The following CYP4Z1 variants were observed in gnomAD, a reference collection of about 807,000 sequenced individuals.
CYP4Z1 encodes the protein cytochrome P450 family 4 subfamily Z member 1.
In CYP4Z1, 41 loss-of-function variants were observed where a neutral mutation model predicts 54.2. The ratio of observed to expected loss-of-function variants is 0.76; its 90% CI spans 0.59 to 0.98. The LOEUF is 0.98. Ranked by LOEUF, CYP4Z1 falls within the 50% of genes least tolerant of loss-of-function variation. The pLI, the probability that CYP4Z1 is intolerant of heterozygous loss-of-function variation, is 0.00. For missense variants in CYP4Z1, 513 were observed against 599.0 expected (o/e 0.86, Z 1.50); for synonymous variants, 163 against 206.2 (o/e 0.79, Z 1.79).
chr1:47,069,302 A>AT (rs1262871499), intron 2 of CYP4Z1, among the ~76,000 whole-genome samples: 7 of 152,224 alleles, frequency 4.6e-5, no homozygotes, highest in Non-Finnish European at 8.8e-5. Context: ...TGTGTGTAGG[A>AT]TTCCCCCACT....
chr1:47,078,199 C>A (rs995494026), intron 2 of CYP4Z1, among the ~76,000 whole-genome samples: 9 of 152,152 alleles, frequency 5.9e-5, no homozygotes, highest in African/African-American at 2.2e-4. Context: ...TCTCACAGGT[C>A]TCTTAGGACC....
chr1:47,087,520 C>T (rs981767242), intron 6 of CYP4Z1, among the ~76,000 whole-genome samples: 2 of 152,142 alleles, frequency 1.3e-5, no homozygotes, highest in Non-Finnish European at 1.5e-5. Context: ...TATAAGAATG[C>T]TTGTGATTTT....
intron 2 of CYP4Z1, among the ~76,000 whole-genome samples, chr1:47,078,162 A>T (rs1644539093): frequency 6.6e-6 from 1 of 152,130 alleles, no homozygotes; most frequent in South Asian, 2.1e-4. Flanking sequence ...GACTCCAATT[A>T]TGCATATGTT....
At chr1:47,057,338 ATATATATATATATATATAT>A in the CYP4Z1 span, among the ~76,000 whole-genome samples, 1,034 of 72,610 alleles carry the variant, frequency 0.014, 141 homozygotes, top group African/African-American at 0.059. Flanking sequence ...AAAAAAAAAT[ATATATATATATATATATAT>A]ATATATATAT....
At chr1:47,065,774 A>C (rs12757489), upstream of CYP4Z1, among the ~76,000 whole-genome samples, 1 of 152,156 alleles carries the variant, frequency 6.6e-6, no homozygotes, top group Non-Finnish European at 1.5e-5. Context: ...AAATTGATGA[A>C]CCATTAGTGA....
chr1:47,112,334 T>C (rs1415278138), intron 9 of CYP4Z1, among the ~76,000 whole-genome samples: 1 of 152,174 alleles, frequency 6.6e-6, no homozygotes, highest in Admixed American at 6.5e-5. Flanking sequence ...AGTCTAAGCA[T>C]GCCAATTTTC....
At position 47,106,158 on chromosome 1, in the gene CYP4Z1, G is replaced by C; in HGVS notation, c.1098G>C (p.Thr366=). The change falls in exon 9 of 12, where the codon ACG becomes ACC. Residue 366 remains threonine, a synonymous_variant. Coordinates refer to ENST00000334194, the MANE Select transcript of CYP4Z1 (RefSeq NM_178134.3). The stretch of plus-strand genomic sequence containing the variant: ...ACCTGAGCCAGATGCCTTACACCAC[G>C]ATGTGCATCAAGGAATGCCTCCGCC... ...WEHLSQMPYT[T]MCIKECLRLY... 3 of 1,613,808 alleles carry C rather than the reference G, an allele frequency of 1.9e-6. No homozygotes were observed. The highest frequency in any genetic ancestry group is 2.5e-6 in the Non-Finnish European group (3 of 1,179,882).
intron 2 of CYP4Z1, among the ~76,000 whole-genome samples, chr1:47,077,154 C>A (rs1315579500): frequency 6.6e-6 from 1 of 151,336 alleles, no homozygotes; most frequent in Non-Finnish European, 1.5e-5. Context: ...TATCATTGTT[C>A]TGTCCATTAT....
In CYP4Z1 at chr1:47,084,609, C is replaced by T. The variant is rs1380690290; in HGVS notation, c.493-11C>T. 4.5e-6 allele frequency: 7 copies of T among 1,561,058 alleles called. No homozygotes were observed. The highest frequency in any genetic ancestry group is 6.1e-6 in the Non-Finnish European group (7 of 1,154,462). On this transcript the variant is annotated splice_polypyrimidine_tract_variant and intron_variant, in intron 4 of 11. Transcript: ENST00000334194. Reference sequence around the variant, plus strand: ...CATGTGTATGATCATGATATTCATCCCCTGCCCCAGAACAAATGGGAGGAA... The same window carrying T: ...CATGTGTATGATCATGATATTCATCTCCTGCCCCAGAACAAATGGGAGGAA...
At chr1:47,057,895 A>G in the CYP4Z1 span, among the ~76,000 whole-genome samples, 2 of 151,982 alleles carry the variant, frequency 1.3e-5, no homozygotes, top group African/African-American at 2.4e-5. Context: ...AATACTGGAC[A>G]TGGTGAATAA....
At chr1:47,076,864 A>T (rs1336686623) in intron 2 of CYP4Z1, among the ~76,000 whole-genome samples, 1 of 147,492 alleles carries the variant, frequency 6.8e-6, no homozygotes, top group African/African-American at 2.5e-5. Context: ...AAAAAAAAAG[A>T]ATGTCTTGTT....
At chr1:47,100,240 TC>T (rs1644711929) in intron 8 of CYP4Z1, among the ~76,000 whole-genome samples, 1 of 152,216 alleles carries the variant, frequency 6.6e-6, no homozygotes, top group African/African-American at 2.4e-5. Flanking sequence ...AAATCATGAA[TC>T]CTATATCCAT....
chr1:47,064,982 A>C (rs546078463), upstream of CYP4Z1, among the ~76,000 whole-genome samples: 1 of 152,358 alleles, frequency 6.6e-6, no homozygotes, highest in East Asian at 1.9e-4. Flanking sequence ...GGATTAGTCC[A>C]ACAGAAAAAT....
At chr1:47,076,265 T>C (rs1228452389) in intron 2 of CYP4Z1, among the ~76,000 whole-genome samples, 1 of 151,662 alleles carries the variant, frequency 6.6e-6, no homozygotes, top group African/African-American at 2.4e-5. Context: ...TTTCTATTGT[T>C]TTTCCTGCTT....
intron 3 of CYP4Z1, among the ~76,000 whole-genome samples, chr1:47,082,110 T>C (rs1644559044): frequency 6.6e-6 from 1 of 151,618 alleles, no homozygotes; most frequent in Non-Finnish European, 1.5e-5. Flanking sequence ...GACCATCAAA[T>C]AGGATAGGAT....
intron 2 of CYP4Z1, among the ~76,000 whole-genome samples, chr1:47,076,642 G>A (rs898859937): frequency 4.6e-5 from 7 of 151,464 alleles, no homozygotes; most frequent in Non-Finnish European, 7.4e-5. Flanking sequence ...TCAGGAGATC[G>A]AGACCATCCT....
intron 9 of CYP4Z1, among the ~76,000 whole-genome samples, chr1:47,106,957 A>G (rs1644761398): frequency 6.6e-6 from 1 of 152,222 alleles, no homozygotes; most frequent in South Asian, 2.1e-4. Context: ...GTGTTTCTAC[A>G]ACTTCCTCCA....
intron 9 of CYP4Z1, among the ~76,000 whole-genome samples, chr1:47,114,487 T>C (rs376146896): frequency 3.3e-5 from 5 of 151,988 alleles, no homozygotes; most frequent in Non-Finnish European, 5.9e-5. Context: ...GCAAAAGAAA[T>C]TACCATCAGA....
intron 6 of CYP4Z1, among the ~76,000 whole-genome samples, chr1:47,089,822 A>T (rs987604296): frequency 3.3e-5 from 5 of 152,274 alleles, no homozygotes; most frequent in Admixed American, 6.5e-5. Context: ...AGCAGGCAGT[A>T]GCAAGAAAGA....
Sources: gnomAD v4.1 joint callset for allele counts (sites outside exome capture counted in the v4.1 genomes callset) on GRCh38, gnomAD v4.1.1 for gene constraint, MANE v1.5 for transcripts, NCBI Gene and HGNC (gene_info 2026-07-23, HGNC 2026-07-21) for gene names.